The following EPGN variants were observed in gnomAD, a reference collection of about 807,000 sequenced individuals.
EPGN encodes epithelial mitogen, also known as epigen.
Under a neutral mutation model 20.7 loss-of-function variants are expected in EPGN, and 21 were observed. That is an observed-to-expected ratio of 1.01 (90% CI 0.72 to 1.46). EPGN has a LOEUF of 1.46. EPGN is among the 40% of genes most tolerant of loss of function. The pLI is 0.00. For missense variants in EPGN, 199 were observed against 180.7 expected (o/e 1.10, Z -0.58); for synonymous variants, 69 against 63.8 (o/e 1.08, Z -0.39).
rs992271072 is a variant in EPGN at position 74,316,410 on chromosome 4, C to G, written c.*1773C>G. Among the ~76,000 whole-genome samples, 1 of 152,104 alleles carries G rather than the reference C, an allele frequency of 6.6e-6. No homozygotes were observed. The highest frequency in any genetic ancestry group is 1.5e-5 in the Non-Finnish European group (1 of 68,026). On this transcript the variant is annotated 3_prime_UTR_variant, in exon 5 of 5. Coordinates refer to ENST00000413830, the MANE Select transcript of EPGN (RefSeq NM_001270989.2). ...AGAGGATCAAACTTGACTATTCTTGCAATGGCAGTCCAGCAACAAGCCTTT... is the reference window on the plus strand; with the variant it reads ...AGAGGATCAAACTTGACTATTCTTGGAATGGCAGTCCAGCAACAAGCCTTT...
At chr4:74,311,898 A>C (rs2110352765) in intron 2 of EPGN, among the ~76,000 whole-genome samples, 1 of 152,296 alleles carries the variant, frequency 6.6e-6, no homozygotes, top group African/African-American at 2.4e-5. Context: ...CAATGCTGCC[A>C]CCTTTTGGTG....
chr4:74,311,317 C>T (rs1314503543), intron 2 of EPGN, among the ~76,000 whole-genome samples: 2 of 152,042 alleles, frequency 1.3e-5, no homozygotes, highest in African/African-American at 2.4e-5. Flanking sequence ...TTATATTCAT[C>T]CTATTCAACA....
In EPGN at chr4:74,313,023, T is replaced by C; in HGVS notation, c.260T>C (p.Phe87Ser). ...HELEKAICRC[F>S]TGYTGERCEH... ...CTTTTTTTCTTTTTTTAAAGGTGTT[T>C]TACTGGTTATACTGGAGAAAGGTGT... Residue 87 changes from phenylalanine (F) to serine (S), a missense_variant, in exon 4 of 5, where the codon TTT becomes TCT. Phe to Ser is a radical substitution (Grantham distance 155, BLOSUM62 -2). Coordinates refer to ENST00000413830, the MANE Select transcript of EPGN (RefSeq NM_001270989.2). 6 of 1,597,764 alleles carry C rather than the reference T, an allele frequency of 3.8e-6. No homozygotes were observed. Among genetic ancestry groups the C allele is most frequent in the Admixed American group, 1.8e-5 (1 of 55,162 alleles).
rs1276191206 is a variant in EPGN, at chr4:74,316,768, T to C, written c.*2131T>C. Among the ~76,000 whole-genome samples the C allele has an allele frequency of 6.6e-6, 1 of 152,150 alleles. No homozygotes were observed. Among genetic ancestry groups the C allele is most frequent in the Non-Finnish European group, 1.5e-5 (1 of 68,034 alleles). On this transcript the variant is annotated 3_prime_UTR_variant, in exon 5 of 5. Transcript: ENST00000413830. Reference sequence around the variant, plus strand: ...GGATTGCCTTTAATTAATTAAGAATTGCCTCCTGATAAAAGGAAAAAGAAA... The same window carrying C: ...GGATTGCCTTTAATTAATTAAGAATCGCCTCCTGATAAAAGGAAAAAGAAA...
intron 4 of EPGN, chr4:74,313,587 CTG>C: frequency 9.8e-7 from 1 of 1,022,544 alleles, no homozygotes; most frequent in Non-Finnish European, 1.2e-6. Context: ...CAAGTAAAAA[CTG>C]AATAAAAATG....
chr4:74,310,773 T>C (rs985365085), intron 2 of EPGN, among the ~76,000 whole-genome samples: 1 of 152,184 alleles, frequency 6.6e-6, no homozygotes. Context: ...ATATAACCTA[T>C]AGACACACAC....
At chr4:74,314,538 A>G in intron 4 of EPGN, 42 bp from the exon 5 acceptor site, 1 of 1,529,522 alleles carries the variant, frequency 6.5e-7, no homozygotes, top group Non-Finnish European at 8.8e-7. Context: ...GACCTATATG[A>G]ACCACAGTCA....
At chr4:74,309,289 A>G (rs1750739490) in intron 2 of EPGN, 107 bp downstream of exon 2, 2 of 745,808 alleles carry the variant, frequency 2.7e-6, no homozygotes, top group Non-Finnish European at 2.1e-6. Context: ...ATATTTTATT[A>G]TTAGATAATC....
At chr4:74,311,424 AT>A (rs1750940504) in intron 2 of EPGN, among the ~76,000 whole-genome samples, 1 of 152,296 alleles carries the variant, frequency 6.6e-6, no homozygotes, top group African/African-American at 2.4e-5. Flanking sequence ...AAGATTTAGC[AT>A]TTTTAATATA....
Position 74,316,716 on chromosome 4 carries a change from G to A in EPGN, c.*2079G>A, listed in dbSNP as rs1751294377. On this transcript the variant is annotated 3_prime_UTR_variant, in exon 5 of 5. Coordinates refer to ENST00000413830, the MANE Select transcript of EPGN (RefSeq NM_001270989.2). ...TATTTCAAAAAGATGTAAAAGAGCT[G>A]GGGAGAGTATGGGAAGAAACAATAC... 6.6e-6 allele frequency among the ~76,000 whole-genome samples: 1 copy of A among 152,112 alleles called. No individual in the cohort carries two copies. The highest frequency in any genetic ancestry group is 6.5e-5 in the Admixed American group (1 of 15,270).
At chr4:74,310,507 A>T (rs1750865843) in intron 2 of EPGN, among the ~76,000 whole-genome samples, 2 of 151,904 alleles carry the variant, frequency 1.3e-5, no homozygotes, top group South Asian at 4.2e-4. Context: ...ACTGCAGAAA[A>T]TTAAAGAAGC....
At chr4:74,309,067 A>T in intron 1 of EPGN, 26 bp from the exon 2 acceptor site, 2 of 1,571,752 alleles carry the variant, frequency 1.3e-6, no homozygotes, top group Non-Finnish European at 1.7e-6. Flanking sequence ...CTCTCTGTTA[A>T]AGATGCTTTT....
At chr4:74,310,082 G>T (rs1407748241) in intron 2 of EPGN, among the ~76,000 whole-genome samples, 2 of 152,100 alleles carry the variant, frequency 1.3e-5, no homozygotes, top group Non-Finnish European at 2.9e-5. Flanking sequence ...ATCAATGTGG[G>T]TTATAGAATA....
chr4:74,313,657 A>C (rs1751114329), intron 4 of EPGN: 4 of 975,940 alleles, frequency 4.1e-6, no homozygotes, highest in Non-Finnish European at 4.9e-6. Flanking sequence ...TTCAGAAGAT[A>C]CTGTCTCCTG....
Position 74,315,005 on chromosome 4 carries a change from C to T in EPGN, c.*368C>T, listed in dbSNP as rs1751204991. On this transcript the variant is annotated 3_prime_UTR_variant, in exon 5 of 5. Coordinates refer to ENST00000413830, the MANE Select transcript of EPGN (RefSeq NM_001270989.2). ...ACCTTGCAGCAAGCCAAAGCAATGC[C>T]TCGCTTGGGTTCTTCATGTTCTTAC... 1 of 214,352 alleles carries T rather than the reference C, an allele frequency of 4.7e-6. No individual in the cohort carries two copies. The highest frequency in any genetic ancestry group is 9.2e-6 in the Non-Finnish European group (1 of 108,586). The allele number at this position is 214,352 out of a possible 1,614,324, so 13.3% of individuals were successfully genotyped here.
rs753596161 is a variant in EPGN, at chr4:74,308,562, A to T, written c.29A>T (p.Tyr10Phe). The T allele has an allele frequency of 6.2e-7, 1 of 1,610,132 alleles. No individual in the cohort carries two copies. The change falls in exon 1 of 5, where the codon TAT (tyrosine) becomes TTT (phenylalanine). Residue 10 changes from tyrosine (Y) to phenylalanine (F), a missense_variant. By Grantham distance (22) the Tyr-to-Phe change is conservative. Coordinates refer to ENST00000413830, the MANE Select transcript of EPGN (RefSeq NM_001270989.2). MALGVPISV[Y>F]LLFNAMTALT... Reference sequence around the variant, plus strand: ...GCTTTGGGAGTTCCAATATCAGTCTATCTTTTATTCAACGGTAGGTAATTT... The same window carrying T: ...GCTTTGGGAGTTCCAATATCAGTCTTTCTTTTATTCAACGGTAGGTAATTT...
At chr4:74,310,069 G>A (rs778717825) in intron 2 of EPGN, among the ~76,000 whole-genome samples, 66 of 152,210 alleles carry the variant, frequency 4.3e-4, no homozygotes, top group Non-Finnish European at 7.6e-4. Flanking sequence ...TTTGCAAAAC[G>A]AAATCAATGT....
intron 2 of EPGN, among the ~76,000 whole-genome samples, chr4:74,311,091 ATT>A: frequency 6.6e-6 from 1 of 152,018 alleles, no homozygotes; most frequent in Non-Finnish European, 1.5e-5. Flanking sequence ...TCTTAGAAAA[ATT>A]TTTATAAAGT....
At chr4:74,310,462 A>G (rs1184251186) in intron 2 of EPGN, among the ~76,000 whole-genome samples, 3 of 91,284 alleles carry the variant, frequency 3.3e-5, no homozygotes, top group African/African-American at 2.7e-4. Context: ...AGTCCGTCTC[A>G]AAAAAAAAAA....
Sources: allele counts gnomAD v4.1 joint callset (sites outside exome capture counted in the v4.1 genomes callset), GRCh38; gene constraint gnomAD v4.1.1; transcripts MANE v1.5; gene names NCBI Gene and HGNC (gene_info 2026-07-23, HGNC 2026-07-21).